Variants in GSK3B observed in about 807,000 individuals in gnomAD.
GSK3B encodes glycogen synthase kinase 3 beta.
Under a neutral mutation model 56.4 loss-of-function variants are expected in GSK3B, and 15 were observed. The observed-to-expected ratio is 0.27, with a 90% CI of 0.18 to 0.41. GSK3B has a LOEUF of 0.41. Among genes scored for constraint, GSK3B ranks in the 10% least tolerant of loss-of-function variants. The pLI, the probability that GSK3B is intolerant of heterozygous loss-of-function variation, is 1.00. For missense variants in GSK3B, 300 were observed against 513.4 expected, an observed-to-expected ratio of 0.58 and a Z score of 4.02; for synonymous variants, 181 against 188.9, an observed-to-expected ratio of 0.96 and a Z score of 0.34.
chr3:120,068,027 C>A (rs2058294175), intron 1 of GSK3B, among the ~76,000 whole-genome samples: 1 of 152,156 alleles, frequency 6.6e-6, no homozygotes, highest in African/African-American at 2.4e-5. Context: ...ATTTCTTTGT[C>A]TTATGCATCC....
At position 120,057,213 on chromosome 3, in the gene GSK3B, A is replaced by G. The variant is rs976303064; in HGVS notation, c.88+36134T>C. Among the ~76,000 whole-genome samples the G allele has an allele frequency of 2.6e-5, 4 of 152,206 alleles. No homozygotes were observed. The South Asian group carries it at 6.2e-4, about 24-fold the overall frequency. On this transcript the variant is annotated intron_variant, in intron 1 of 10. Coordinates refer to ENST00000264235, the MANE Select transcript of GSK3B (RefSeq NM_001146156.2). ...GTAATCAAAGCAATGTAAAAATTAA[A>G]AGTGGTTAAATCAACAATTTTTTTT...
chr3:119,921,318 A>C (rs952216466), intron 4 of GSK3B, among the ~76,000 whole-genome samples: 18 of 152,176 alleles, frequency 1.2e-4, no homozygotes, highest in Non-Finnish European at 2.6e-4. Flanking sequence ...CTTATAAATT[A>C]AGAAGGAATA....
At chr3:119,990,201 G>A (rs375422790) in intron 2 of GSK3B, among the ~76,000 whole-genome samples, 25 of 151,912 alleles carry the variant, frequency 1.6e-4, no homozygotes, top group East Asian at 7.7e-4. Flanking sequence ...TGCTAGCCCC[G>A]AGATAACACC....
At chr3:119,840,326 G>A (rs2055754096) in intron 10 of GSK3B, among the ~76,000 whole-genome samples, 1 of 151,596 alleles carries the variant, frequency 6.6e-6, no homozygotes, top group East Asian at 1.9e-4. Context: ...CCAGGTTCAA[G>A]CAATTCTCTT....
chr3:120,052,660 T>C (rs1481431353), intron 1 of GSK3B, among the ~76,000 whole-genome samples: 5 of 152,200 alleles, frequency 3.3e-5, no homozygotes, highest in Admixed American at 6.5e-5. Context: ...CATTACACTC[T>C]CAGACACATA....
Position 120,023,665 on chromosome 3 carries a change from C to A in GSK3B, c.89-21426G>T, listed in dbSNP as rs144518917. Among the ~76,000 whole-genome samples, 648 of 152,212 alleles carry A rather than the reference C, an allele frequency of 4.3e-3. 1 individual carries two copies. The highest frequency in any genetic ancestry group is 0.015 in the African/African-American group (612 of 41,514). On this transcript the variant is annotated intron_variant, in intron 1 of 10. Coordinates refer to ENST00000264235, the MANE Select transcript of GSK3B (RefSeq NM_001146156.2). ...TTATCTTAAGACCCTCATACACACA[C>A]CCTCGTCACAAACCTTTGTCCTAGG... is the stretch of plus-strand genomic sequence containing the variant.
intron 4 of GSK3B, among the ~76,000 whole-genome samples, chr3:119,917,671 T>TAA (rs11286440): frequency 6.9e-6 from 1 of 144,852 alleles, no homozygotes; most frequent in Non-Finnish European, 1.5e-5. Flanking sequence ...TTTTTTTTTT[T>TAA]AAAAAAAAAA....
At chr3:119,955,975 T>C (rs1340104009) in intron 2 of GSK3B, among the ~76,000 whole-genome samples, 1 of 152,126 alleles carries the variant, frequency 6.6e-6, no homozygotes, top group Non-Finnish European at 1.5e-5. Flanking sequence ...TTACACAAGA[T>C]ATTTGTTTTA....
chr3:119,992,538 T>C (rs2057575252), intron 2 of GSK3B, among the ~76,000 whole-genome samples: 1 of 152,050 alleles, frequency 6.6e-6, no homozygotes, highest in Non-Finnish European at 1.5e-5. Context: ...GACTTCCTCT[T>C]TAACCTGAGG....
At chr3:120,085,246 C>T (rs368215933) in intron 1 of GSK3B, among the ~76,000 whole-genome samples, 36 of 152,236 alleles carry the variant, frequency 2.4e-4, no homozygotes, top group African/African-American at 7.0e-4. Context: ...ATATACAGTA[C>T]GTTGCTCTTC....
At chr3:120,020,673 A>T (rs990574094) in intron 1 of GSK3B, among the ~76,000 whole-genome samples, 4 of 152,182 alleles carry the variant, frequency 2.6e-5, no homozygotes, top group African/African-American at 9.6e-5. Context: ...TAATAAGCCT[A>T]CAGTGGCCTC....
chr3:120,036,037 T>G (rs1576287295), intron 1 of GSK3B, among the ~76,000 whole-genome samples: 1 of 152,230 alleles, frequency 6.6e-6, no homozygotes, highest in East Asian at 1.9e-4. Flanking sequence ...GAGGACACCC[T>G]TATGTTGCTC....
intron 10 of GSK3B, among the ~76,000 whole-genome samples, chr3:119,831,964 GGTA>G (rs1208587983): frequency 2.0e-5 from 3 of 152,210 alleles, no homozygotes; most frequent in African/African-American, 7.2e-5. Context: ...TACACACTGT[GGTA>G]GCTACTTTCC....
rs1576324450 is a variant in GSK3B at position 120,093,543 on chromosome 3, GAAGAAA to G, written c.-115_-110del. The G allele has an allele frequency of 1.7e-5, 12 of 701,262 alleles. No individual in the cohort carries two copies. Among genetic ancestry groups the G allele is most frequent in the Middle Eastern group, 2.5e-4 (1 of 3,990 alleles). The allele number at this position is 701,262 out of a possible 1,614,324, so 43.4% of individuals were successfully genotyped here. On this transcript the variant is annotated 5_prime_UTR_variant, in exon 1 of 11. Transcript: ENST00000264235. Reference sequence around the variant, plus strand: ...AAATGCAGCATTAAGTTCTCCCACAGAAGAAAAAGAAAAAGACTTCGTCCTCTTGGC... The same window carrying G: ...AAATGCAGCATTAAGTTCTCCCACAGAAGAAAAAGACTTCGTCCTCTTGGC...
chr3:119,938,849 C>T (rs1252209556), intron 3 of GSK3B, among the ~76,000 whole-genome samples: 4 of 151,932 alleles, frequency 2.6e-5, no homozygotes, highest in Non-Finnish European at 4.4e-5. Context: ...CAGTTTTCTA[C>T]GACTATCTAG....
chr3:120,062,612 A>G (rs571934575), intron 1 of GSK3B, among the ~76,000 whole-genome samples: 9 of 152,232 alleles, frequency 5.9e-5, no homozygotes, highest in Non-Finnish European at 1.2e-4. Context: ...TGATCCAGTT[A>G]TAATTTATAT....
chr3:120,020,997 CG>C (rs2057871953), intron 1 of GSK3B, among the ~76,000 whole-genome samples: 1 of 152,102 alleles, frequency 6.6e-6, no homozygotes, highest in Non-Finnish European at 1.5e-5. Flanking sequence ...AGAGCAAGGC[CG>C]GAACCCTCTT....
intron 7 of GSK3B, among the ~76,000 whole-genome samples, chr3:119,903,113 T>C (rs762269010): frequency 6.6e-6 from 1 of 152,168 alleles, no homozygotes; most frequent in Admixed American, 6.5e-5. Flanking sequence ...ATACTAAACA[T>C]ATACACACTT....
At chr3:119,907,119 G>A (rs1322472571) in intron 6 of GSK3B, among the ~76,000 whole-genome samples, 1 of 152,064 alleles carries the variant, frequency 6.6e-6, no homozygotes, top group Middle Eastern at 3.4e-3. Context: ...ATAGTCAAGC[G>A]GAAAAGATGT....
Sources: gnomAD v4.1 joint callset for allele counts (sites outside exome capture counted in the v4.1 genomes callset) on GRCh38, gnomAD v4.1.1 for gene constraint, MANE v1.5 for transcripts, NCBI Gene and HGNC (gene_info 2026-07-23, HGNC 2026-07-21) for gene names.